Variants in INTS13 observed in about 807,000 individuals in gnomAD.
INTS13 encodes the protein integrator complex subunit 13.
In INTS13, 35 loss-of-function variants were observed where a neutral mutation model predicts 90.2. The observed-to-expected ratio is 0.39, with a 90% CI of 0.30 to 0.51. The LOEUF is 0.51. Among genes scored for constraint, INTS13 ranks in the 20% least tolerant of loss-of-function variants. INTS13 has a pLI of 0.80. For synonymous variants in INTS13, 309 were observed against 277.1 expected (o/e 1.11, Z -1.14); for missense variants, 601 against 851.2 (o/e 0.71, Z 3.66).
At chr12:26,923,495 A>T (rs1249657440) in intron 7 of INTS13, among the ~76,000 whole-genome samples, 1 of 152,202 alleles carries the variant, frequency 6.6e-6, no homozygotes, top group Non-Finnish European at 1.5e-5. Context: ...TGTAAGAAAA[A>T]TTTGAATTTT....
At chr12:26,925,718 T>G (rs759517442) in intron 6 of INTS13, 43 bp downstream of exon 6, 1 of 1,433,378 alleles carries the variant, frequency 7.0e-7, no homozygotes, top group Non-Finnish European at 9.7e-7. Context: ...TATTTATTAT[T>G]ATTAACCACA....
intron 2 of INTS13, among the ~76,000 whole-genome samples, chr12:26,935,911 T>C (rs1214685319): frequency 2.0e-5 from 3 of 152,232 alleles, no homozygotes; most frequent in Admixed American, 1.3e-4. Context: ...ACATTTAAGA[T>C]ACTGAAATCT....
In INTS13 at chr12:26,913,399, A is replaced by G. The variant is rs561926445; in HGVS notation, c.1805+58T>C. 811 of 1,264,216 alleles carry G rather than the reference A, an allele frequency of 6.4e-4. 11 individuals are homozygous for G. In the South Asian group the frequency reaches 9.3e-3, roughly 15 times the overall value. 78.3% of individuals were successfully genotyped at this position (1,264,216 alleles called of 1,614,324 possible). A position where few individuals can be genotyped will look rare whatever the true frequency, so the allele number is the denominator to read the frequency against. On this transcript the variant is annotated intron_variant, in intron 14 of 16. Coordinates refer to ENST00000261191, the MANE Select transcript of INTS13 (RefSeq NM_018164.3). The stretch of plus-strand genomic sequence containing the variant: ...AGGTTTGAATGTATGAAAGTGTTCT[A>G]TGCAGAATGTGATATAACAAAAGGC...
chr12:26,913,392 G>A lies in INTS13; in HGVS notation c.1805+65C>T, dbSNP rs910920411. 26 of 1,150,730 alleles carry A rather than the reference G, an allele frequency of 2.3e-5. No individual in the cohort carries two copies. The African/African-American group carries it at 2.9e-4, about 13-fold the overall frequency. 71.3% of individuals were successfully genotyped at this position (1,150,730 alleles called of 1,614,324 possible). On this transcript the variant is annotated intron_variant, in intron 14 of 16. Coordinates refer to ENST00000261191, the MANE Select transcript of INTS13 (RefSeq NM_018164.3). Reference sequence around the variant, plus strand: ...TTAAATCAGGTTTGAATGTATGAAAGTGTTCTATGCAGAATGTGATATAAC... The same window carrying A: ...TTAAATCAGGTTTGAATGTATGAAAATGTTCTATGCAGAATGTGATATAAC...
intron 2 of INTS13, 60 bp downstream of exon 2, chr12:26,936,519 T>A: frequency 7.3e-6 from 9 of 1,240,410 alleles, no homozygotes; most frequent in Non-Finnish European, 1.0e-5. Flanking sequence ...CATATAAAAA[T>A]TCATTTATGC....
chr12:26,936,214 C>T (rs1170227630), intron 2 of INTS13, among the ~76,000 whole-genome samples: 1 of 152,198 alleles, frequency 6.6e-6, no homozygotes, highest in African/African-American at 2.4e-5. Flanking sequence ...TACATGCCAG[C>T]ACAGTTTGAC....
At chr12:26,937,473 G>A (rs1157642044) in intron 1 of INTS13, among the ~76,000 whole-genome samples, 1 of 152,218 alleles carries the variant, frequency 6.6e-6, no homozygotes, top group Non-Finnish European at 1.5e-5. Context: ...CATCACACTG[G>A]TGTGTAGAAG....
chr12:26,918,999 A>G (rs1244957482), intron 8 of INTS13: 5 of 360,518 alleles, frequency 1.4e-5, no homozygotes, highest in Non-Finnish European at 2.9e-5. Flanking sequence ...CCCTGTCTCT[A>G]TGGAAAAAAT....
chr12:26,914,522 A>G lies in INTS13; in HGVS notation c.1305T>C (p.Tyr435=), dbSNP rs1565821156. Residue 435 remains tyrosine, a synonymous_variant, in exon 12 of 17, where the codon TAT becomes TAC. Coordinates refer to ENST00000261191, the MANE Select transcript of INTS13 (RefSeq NM_018164.3). ...GGACCTCAAGACTTCCATCGATTTT[A>G]TATCTGGGGTCTAGAAAAGGAGTTA... is the stretch of plus-strand genomic sequence containing the variant. ...NRLTPFLDPR[Y]KIDGSLEVPL... 1.2e-6 allele frequency: 2 copies of G among 1,613,846 alleles called. No individual in the cohort carries two copies. The highest frequency in any genetic ancestry group is 1.1e-5 in the South Asian group (1 of 91,078).
At chr12:26,927,195 T>C (rs1937923625) in intron 5 of INTS13, among the ~76,000 whole-genome samples, 1 of 152,196 alleles carries the variant, frequency 6.6e-6, no homozygotes, top group South Asian at 2.1e-4. Flanking sequence ...CAGAACAAAG[T>C]ATTGAACATG....
chr12:26,906,263 C>G, intron 16 of INTS13, 39 bp downstream of exon 16: 1 of 1,565,140 alleles, frequency 6.4e-7, no homozygotes, highest in Non-Finnish European at 8.7e-7. Context: ...ACTATACAGG[C>G]AATTGACAAA....
At chr12:26,911,936 A>G (rs1951788169) in intron 14 of INTS13, among the ~76,000 whole-genome samples, 1 of 152,220 alleles carries the variant, frequency 6.6e-6, no homozygotes, top group East Asian at 1.9e-4. Context: ...AAAGTCAAAG[A>G]GAATAAAAGT....
At chr12:26,907,131 T>C (rs1014509370) in intron 15 of INTS13, among the ~76,000 whole-genome samples, 10 of 152,144 alleles carry the variant, frequency 6.6e-5, no homozygotes, top group Admixed American at 5.9e-4. Context: ...CTGCACAATA[T>C]GATAAGGCAA....
chr12:26,919,409 G>A (rs866797296), intron 8 of INTS13, among the ~76,000 whole-genome samples: 3 of 152,156 alleles, frequency 2.0e-5, no homozygotes, highest in Non-Finnish European at 2.9e-5. Context: ...AAGGGCAACA[G>A]AAAAGCATAG....
At chr12:26,906,514 T>G in intron 15 of INTS13, 77 bp from the exon 16 acceptor site, 1 of 1,403,496 alleles carries the variant, frequency 7.1e-7, no homozygotes, top group Non-Finnish European at 9.8e-7. Context: ...ATTTCCAAAC[T>G]TACCTTTAAT....
Position 26,914,460 on chromosome 12 carries a change from G to C in INTS13, c.1367C>G (p.Thr456Ser). ...ERAKDQLEKHTRYWPMIISQT... is the reference protein window; with the variant it reads ...ERAKDQLEKHSRYWPMIISQT... Reference sequence around the variant, plus strand: ...TGAAATGATCATAGGCCAGTAACGGGTATGTTTTTCTAACTGATCTTTTGC... The same window carrying C: ...TGAAATGATCATAGGCCAGTAACGGCTATGTTTTTCTAACTGATCTTTTGC... Residue 456 changes from threonine (T) to serine (S), a missense_variant, in exon 12 of 17, where the codon ACC becomes AGC. By Grantham distance (58) the Thr-to-Ser change is moderately conservative. This residue lies in a region of INTS13 where 89 missense variants were observed against 191.0 expected (regional missense o/e 0.47). Transcript: ENST00000261191. 6.2e-7 allele frequency: 1 copy of C among 1,613,900 alleles called. No homozygotes were observed. Among genetic ancestry groups the C allele is most frequent in the Non-Finnish European group, 8.5e-7 (1 of 1,179,914 alleles).
rs551518991 is a variant in INTS13, at chr12:26,906,480, A to G, written c.1946-43T>C. The G allele has an allele frequency of 2.5e-6, 4 of 1,569,766 alleles. No individual in the cohort carries two copies. In the South Asian group the frequency reaches 4.7e-5, roughly 19 times the overall value. On this transcript the variant is annotated intron_variant, in intron 15 of 16. Coordinates refer to ENST00000261191, the MANE Select transcript of INTS13 (RefSeq NM_018164.3). ...AGGAGAGAGAAAAAAAAGATAGAAT[A>G]ATTTATTATTTCCAAATTTCCAAAT...
In INTS13 at chr12:26,916,143, A is replaced by G. The variant is rs755528480; in HGVS notation, c.1107T>C (p.Gly369=). 6 of 1,613,164 alleles carry G rather than the reference A, an allele frequency of 3.7e-6. No homozygotes were observed. In the South Asian group the frequency reaches 6.6e-5, roughly 18 times the overall value. ...SVLLEQPRKS[G]SKVISHMLSS... ...TAAGCATATGACTAATGACTTTAGA[A>G]CCTGACTTTCGTGGTTGTTCCAATA... Residue 369 remains glycine (G), a synonymous_variant, in exon 11 of 17, where the codon GGT becomes GGC. Coordinates refer to ENST00000261191, the MANE Select transcript of INTS13 (RefSeq NM_018164.3).
At chr12:26,907,802 C>A (rs1951653791) in intron 15 of INTS13, among the ~76,000 whole-genome samples, 1 of 151,986 alleles carries the variant, frequency 6.6e-6, no homozygotes, top group Non-Finnish European at 1.5e-5. Flanking sequence ...AGAAGACAGA[C>A]AACAAATAAG....
Sources: allele counts gnomAD v4.1 joint callset (sites outside exome capture counted in the v4.1 genomes callset), GRCh38; gene constraint gnomAD v4.1.1; regional missense constraint gnomAD v4.1.1; transcripts MANE v1.5; gene names NCBI Gene and HGNC (gene_info 2026-07-23, HGNC 2026-07-21).